BHLHE41: variants seen among roughly 807,000 people sequenced by gnomAD.
BHLHE41 encodes basic helix-loop-helix family member e41, also known as class E basic helix-loop-helix protein 41.
BHLHE41 carries 14 observed loss-of-function variants against 24.0 expected under a neutral mutation model. That is an observed-to-expected ratio of 0.58 (90% CI 0.39 to 0.91). The LOEUF (loss-of-function observed/expected upper bound fraction) is 0.91. Among genes scored for constraint, BHLHE41 ranks in the 40% least tolerant of loss-of-function variants. The pLI is 0.00. For missense variants in BHLHE41, 674 were observed against 655.4 expected, an observed-to-expected ratio of 1.03 and a Z score of -0.31; for synonymous variants, 394 against 315.5, an observed-to-expected ratio of 1.25 and a Z score of -2.64.
chr12:26,121,846 G>C lies in BHLHE41; in HGVS notation c.*220C>G. The C allele has an allele frequency of 9.2e-7, 1 of 1,085,300 alleles. No individual in the cohort carries two copies. The highest frequency in any genetic ancestry group is 1.3e-6 in the Non-Finnish European group (1 of 784,716). The allele number at this position is 1,085,300 out of a possible 1,614,324, so 67.2% of individuals were successfully genotyped here. On this transcript the variant is annotated 3_prime_UTR_variant, in exon 5 of 5. Transcript: ENST00000242728. ...TGGTGGGGGGAAGAAAGGGATGTTA[G>C]TGTGTGGAGGGTGGGGTGGTGCGGG...
chr12:26,122,035 C>T lies in BHLHE41; in HGVS notation c.*31G>A. 1 of 1,548,574 alleles carries T rather than the reference C, an allele frequency of 6.5e-7. No homozygotes were observed. Among genetic ancestry groups the T allele is most frequent in the South Asian group, 1.2e-5 (1 of 84,048 alleles). On this transcript the variant is annotated 3_prime_UTR_variant, in exon 5 of 5. Coordinates refer to ENST00000242728, the MANE Select transcript of BHLHE41 (RefSeq NM_030762.3). ...AAGGGTATTTTAACTTCTCACTCTG[C>T]TTGAACCTCCGTCCTTCGGGACGCA... is the stretch of plus-strand genomic sequence containing the variant.
Position 26,122,091 on chromosome 12 carries a change from G to GA in BHLHE41, c.1423dup (p.Ser475PhefsTer25), listed in dbSNP as rs1325699459. On this transcript the variant is annotated frameshift_variant, in exon 5 of 5. Transcript: ENST00000242728. LOFTEE classifies it high-confidence loss of function. ...TCAGGGAGCTTCCTTTCCTGGCTGC[G>GA]AGGGATCTTCCTGAGCAGAGCTCTC... 1.9e-6 allele frequency: 3 copies of GA among 1,549,730 alleles called. No homozygotes were observed. The African/African-American group carries it at 4.1e-5, about 21-fold the overall frequency.
intron 3 of BHLHE41, 47 bp downstream of exon 3, chr12:26,124,025 T>C (rs1370182899): frequency 7.8e-7 from 1 of 1,288,976 alleles, no homozygotes; most frequent in African/African-American, 1.5e-5. Flanking sequence ...CACCAGACTA[T>C]TAACACGCCC....
At position 26,124,530 on chromosome 12, in the gene BHLHE41, C is replaced by A. The variant is rs1398499422; in HGVS notation, c.115G>T (p.Asp39Tyr). Residue 39 changes from aspartate (D) to tyrosine (Y), a missense_variant, in exon 2 of 5, where the codon GAC becomes TAC. Asp to Tyr is a radical substitution (Grantham distance 160). Around this residue, in one of 3 missense-constraint regions of BHLHE41, gnomAD observed 67 missense variants for 62.4 expected, o/e 1.07. Transcript: ENST00000242728. Reference sequence around the variant, plus strand: ...GAACTTACACTTACCTTGGTGTCGTCTCGTTTCATGCTCCTTTTGGGTTTA... The same window carrying A: ...GAACTTACACTTACCTTGGTGTCGTATCGTTTCATGCTCCTTTTGGGTTTA... ...MCKPKRSMKR[D>Y]DTKDTYKLPH... The A allele has an allele frequency of 1.2e-6, 2 of 1,614,116 alleles. No individual in the cohort carries two copies. The highest frequency in any genetic ancestry group is 1.7e-6 in the Non-Finnish European group (2 of 1,179,998).
At chr12:26,123,199 C>G (rs770966047) in intron 4 of BHLHE41, 31 bp from the exon 5 acceptor site, 1 of 1,551,472 alleles carries the variant, frequency 6.4e-7, no homozygotes, top group Admixed American at 1.9e-5. Context: ...GGGTGGGGGA[C>G]GGAGGAGTGG....
rs1302740603 is a variant in BHLHE41, at chr12:26,122,179, G to A, written c.1336C>T (p.Pro446Ser). 4.7e-6 allele frequency: 7 copies of A among 1,494,858 alleles called. No homozygotes were observed. The East Asian group carries it at 8.1e-5, about 17-fold the overall frequency. 92.6% of individuals were successfully genotyped at this position (1,494,858 alleles called of 1,614,324 possible). The change falls in exon 5 of 5, where the codon CCC becomes TCC. Residue 446 changes from proline to serine, a missense_variant. By Grantham distance (74) the Pro-to-Ser change is moderately conservative. Transcript: ENST00000242728. The stretch of plus-strand genomic sequence containing the variant: ...TGGGTGCGGCCGTGCGGGTGCTGGG[G>A]GTGCGGCGCCCCAAGGGGCGCCACC... Reference protein sequence around the residue: ...HEVAPLGAPHPQHPHGRTHLP... With the variant: ...HEVAPLGAPHSQHPHGRTHLP...
intron 4 of BHLHE41, 109 bp from the exon 5 acceptor site, chr12:26,123,277 A>G: frequency 7.3e-7 from 1 of 1,374,874 alleles, no homozygotes; most frequent in Admixed American, 2.8e-5. Flanking sequence ...GACTAAAGTG[A>G]TCTCGGTTTT....
rs1224716399 is a variant in BHLHE41 at position 26,122,092 on chromosome 12, AG to A, written c.1422del (p.Ser475ArgfsTer28). ...GNPESSAQEDPSQPGKEAP is the reference protein window; with the variant it reads ...GNPESSAQEDXSQPGKEAP ...CAGGGAGCTTCCTTTCCTGGCTGCG[AG>A]GGATCTTCCTGAGCAGAGCTCTCCG... On this transcript the variant is annotated frameshift_variant, in exon 5 of 5. Coordinates refer to ENST00000242728, the MANE Select transcript of BHLHE41 (RefSeq NM_030762.3). LOFTEE classifies it high-confidence loss of function. The A allele has an allele frequency of 7.1e-6, 11 of 1,549,452 alleles. No individual in the cohort carries two copies. Among genetic ancestry groups the A allele is most frequent in the Non-Finnish European group, 9.6e-6 (11 of 1,146,482 alleles).
intron 3 of BHLHE41, 35 bp from the exon 4 acceptor site, chr12:26,123,776 T>G (rs762126095): frequency 2.1e-6 from 3 of 1,425,866 alleles, no homozygotes; most frequent in Non-Finnish European, 9.9e-7. Flanking sequence ...GGCACTTGGT[T>G]ACTTAAAAAC....
Position 26,122,517 on chromosome 12 carries a change from C to G in BHLHE41, c.998G>C (p.Gly333Ala), listed in dbSNP as rs992455093. 1.2e-5 allele frequency: 15 copies of G among 1,288,320 alleles called. No homozygotes were observed. The highest frequency in any genetic ancestry group is 1.5e-5 in the Non-Finnish European group (15 of 1,007,168). 79.8% of individuals were successfully genotyped at this position (1,288,320 alleles called of 1,614,324 possible). ...LSSLVAFGGG[G>A]GAPFPQPAAA... Reference sequence around the variant, plus strand: ...CGCGGGCTGCGGGAAGGGCGCGCCTCCGCCTCCGCCGAACGCCACCAGCGA... The same window carrying G: ...CGCGGGCTGCGGGAAGGGCGCGCCTGCGCCTCCGCCGAACGCCACCAGCGA... Residue 333 changes from glycine (G) to alanine (A), a missense_variant, in exon 5 of 5, where the codon GGA becomes GCA. By Grantham distance (60) the Gly-to-Ala change is moderately conservative (BLOSUM62 0). This residue lies in a region of BHLHE41 where 602 missense variants were observed against 570.8 expected (regional missense o/e 1.05). Coordinates refer to ENST00000242728, the MANE Select transcript of BHLHE41 (RefSeq NM_030762.3).
Position 26,122,206 on chromosome 12 carries a change from C to T in BHLHE41, c.1309G>A (p.Glu437Lys), listed in dbSNP as rs1254281610. 1.2e-5 allele frequency: 16 copies of T among 1,375,980 alleles called. No individual in the cohort carries two copies. The highest frequency in any genetic ancestry group is 1.5e-5 in the African/African-American group (1 of 64,960). The allele number at this position is 1,375,980 out of a possible 1,614,324, so 85.2% of individuals were successfully genotyped here. ...TGCGGCGCCCCAAGGGGCGCCACCTCGTGCGGCAGGAGGGTCGCGGCGGCG... is the reference window on the plus strand; with the variant it reads ...TGCGGCGCCCCAAGGGGCGCCACCTTGTGCGGCAGGAGGGTCGCGGCGGCG... ...GAAAATLLPH[E>K]VAPLGAPHPQ... Residue 437 changes from glutamate (E) to lysine (K), a missense_variant, in exon 5 of 5, where the codon GAG becomes AAG. By Grantham distance (56) the Glu-to-Lys change is moderately conservative. Transcript: ENST00000242728.
rs2137383364 is a variant in BHLHE41, at chr12:26,121,160, TTGAGA to T, written c.*901_*905del. ...TTAATGAGAGTGGGAATAGATGCAC[TTGAGA>T]TGTGTATGTATAGATACCTATCTAT... is the stretch of plus-strand genomic sequence containing the variant. On this transcript the variant is annotated 3_prime_UTR_variant, in exon 5 of 5. Transcript: ENST00000242728. 6.6e-6 allele frequency: 1 copy of T among 152,338 alleles called. No individual in the cohort carries two copies. The highest frequency in any genetic ancestry group is 2.1e-4 in the South Asian group (1 of 4,818). 9.4% of individuals were successfully genotyped at this position (152,338 alleles called of 1,614,324 possible). A position where few individuals can be genotyped will look rare whatever the true frequency, so the allele number is the denominator to read the frequency against.
In BHLHE41 at chr12:26,124,189, T is replaced by G. The variant is rs765418587; in HGVS notation, c.127-10A>C. ...GTAATTTGTAGGTATCCTTAATATATGAGAGTCATGGAAAAGAGAAAACAG... is the reference window on the plus strand; with the variant it reads ...GTAATTTGTAGGTATCCTTAATATAGGAGAGTCATGGAAAAGAGAAAACAG... On this transcript the variant is annotated splice_polypyrimidine_tract_variant and intron_variant, in intron 2 of 4. Coordinates refer to ENST00000242728, the MANE Select transcript of BHLHE41 (RefSeq NM_030762.3). 8 of 1,538,912 alleles carry G rather than the reference T, an allele frequency of 5.2e-6. No individual in the cohort carries two copies. Among genetic ancestry groups the G allele is most frequent in the Middle Eastern group, 1.7e-4 (1 of 5,970 alleles).
rs905003055 is a variant in BHLHE41 at position 26,121,828 on chromosome 12, G to GT, written c.*237_*238insA. 4.4e-6 allele frequency: 4 copies of GT among 912,002 alleles called. No individual in the cohort carries two copies. The highest frequency in any genetic ancestry group is 6.2e-6 in the Non-Finnish European group (4 of 649,450). The allele number at this position is 912,002 out of a possible 1,614,324, so 56.5% of individuals were successfully genotyped here. Reference sequence around the variant, plus strand: ...CATAGGATCTTTTACAGCTGGTGGGGGGAAGAAAGGGATGTTAGTGTGTGG... The same window carrying GT: ...CATAGGATCTTTTACAGCTGGTGGGGTGGAAGAAAGGGATGTTAGTGTGTGG... On this transcript the variant is annotated 3_prime_UTR_variant, in exon 5 of 5. Transcript: ENST00000242728.
rs1565664851 is a variant in BHLHE41, at chr12:26,122,857, CG to C, written c.657del (p.Val220SerfsTer61). Reference protein sequence around the residue: ...QKLEPLAYCVPVIQRTQPSAE... With the variant: ...QKLEPLAYCVXVIQRTQPSAE... ...GCGCTGGGCTGAGTCCGCTGGATGA[CG>C]GGCACGCAGTAGGCGAGGGGCTCCA... On this transcript the variant is annotated frameshift_variant, in exon 5 of 5. Transcript: ENST00000242728. LOFTEE classifies it low-confidence loss of function (END_TRUNC). 6.4e-7 allele frequency: 1 copy of C among 1,569,652 alleles called. No homozygotes were observed.
rs199983952 is a variant in BHLHE41, at chr12:26,123,714, C to T, written c.262G>A (p.Val88Ile). 1 of 1,614,024 alleles carries T rather than the reference C, an allele frequency of 6.2e-7. No homozygotes were observed. Among genetic ancestry groups the T allele is most frequent in the East Asian group, 2.2e-5 (1 of 44,884 alleles). Residue 88 changes from valine (V) to isoleucine (I), a missense_variant, in exon 4 of 5, where the codon GTC (valine) becomes ATC (isoleucine). By Grantham distance (29) the Val-to-Ile change is conservative. Around this residue, in one of 3 missense-constraint regions of BHLHE41, gnomAD observed 602 missense variants for 570.8 expected, o/e 1.05. Transcript: ENST00000242728. ...AAGTGTTTCAAAGTTAATTCCAAGA[C>T]TACAGCTTTCTCCAGATGTCCCAGA... ...TTLGHLEKAV[V>I]LELTLKHLKA... is the part of the protein sequence containing the mutation.
rs1944318180 is a variant in BHLHE41, at chr12:26,122,465, G to C, written c.1050C>G (p.Pro350=). The change falls in exon 5 of 5, where the codon CCC becomes CCG. Residue 350 remains proline (P), a synonymous_variant. Coordinates refer to ENST00000242728, the MANE Select transcript of BHLHE41 (RefSeq NM_030762.3). The part of the protein sequence containing the change: ...PAAAAAPFCL[P]FCFLSPSAAA... ...CTGCAGAAGGCGAGAGGAAGCAGAA[G>C]GGCAGGCAGAAGGGGGCCGCGGCGG... is the stretch of plus-strand genomic sequence containing the variant. 7.4e-7 allele frequency: 1 copy of C among 1,352,364 alleles called. No individual in the cohort carries two copies. Among genetic ancestry groups the C allele is most frequent in the African/African-American group, 1.5e-5 (1 of 65,334 alleles). 83.8% of individuals were successfully genotyped at this position (1,352,364 alleles called of 1,614,324 possible). A position where few individuals can be genotyped will look rare whatever the true frequency, so the allele number is the denominator to read the frequency against.
Position 26,122,426 on chromosome 12 carries a change from C to T in BHLHE41, c.1089G>A (p.Val363=). The T allele has an allele frequency of 7.4e-7, 1 of 1,349,482 alleles. No individual in the cohort carries two copies. Among genetic ancestry groups the T allele is most frequent in the Non-Finnish European group, 9.6e-7 (1 of 1,040,196 alleles). The allele number at this position is 1,349,482 out of a possible 1,614,324, so 83.6% of individuals were successfully genotyped here. The change falls in exon 5 of 5, where the codon GTG becomes GTA. Residue 363 remains valine (V), a synonymous_variant. Coordinates refer to ENST00000242728, the MANE Select transcript of BHLHE41 (RefSeq NM_030762.3). ...FLSPSAAAAY[V]QPFLDKSGLE... ...GGCCGCTCTTGTCCAGGAAGGGCTG[C>T]ACGTAGGCGGCAGCTGCAGAAGGCG... is the stretch of plus-strand genomic sequence containing the variant.
intron 4 of BHLHE41, 89 bp downstream of exon 4, chr12:26,123,540 GA>G: frequency 1.1e-6 from 1 of 909,568 alleles, no homozygotes; most frequent in Non-Finnish European, 1.9e-6. Context: ...CACGGAAAGA[GA>G]TGGGGTGCGG....
Sources: allele counts gnomAD v4.1 joint callset, GRCh38; gene constraint gnomAD v4.1.1; regional missense constraint gnomAD v4.1.1; transcripts MANE v1.5; gene names NCBI Gene and HGNC (gene_info 2026-07-23, HGNC 2026-07-21).